The following TSPAN32 variants were observed in gnomAD, a reference collection of about 807,000 sequenced individuals.
TSPAN32 encodes the protein tetraspanin-32.
TSPAN32 carries 47 observed loss-of-function variants against 42.7 expected under a neutral mutation model. The observed-to-expected ratio is 1.10, with a 90% CI of 0.87 to 1.40. The LOEUF (loss-of-function observed/expected upper bound fraction) is 1.40, where lower values mean the gene tolerates loss of function less well. Among genes scored for constraint, TSPAN32 ranks in the 40% most tolerant of loss-of-function variants. The probability of loss-of-function intolerance (pLI) is 0.00; values close to 1 mark genes in which losing one functional copy is unlikely to be tolerated. For missense variants in TSPAN32, 469 were observed against 424.1 expected, an observed-to-expected ratio of 1.11 and a Z score of -0.93; for synonymous variants, 175 against 175.9, an observed-to-expected ratio of 0.99 and a Z score of 0.04.
intron 4 of TSPAN32, among the ~76,000 whole-genome samples, chr11:2,311,554 A>C (rs1294796972): frequency 5.9e-5 from 9 of 152,030 alleles, no homozygotes; most frequent in Admixed American, 5.2e-4. Context: ...CCAGCCGCCG[A>C]GTGGGCTCAG....
In TSPAN32 at chr11:2,302,863, C is replaced by T. The variant is rs1847840351; in HGVS notation, c.86C>T (p.Ala29Val). ...CCACAGCTGCTGGGCCTCTCTGTGG[C>T]CACCATGGTGACTCTTACCTACTTC... is the stretch of plus-strand genomic sequence containing the variant. ...FFILLLGLSV[A>V]TMVTLTYFGA... Residue 29 changes from alanine to valine, a missense_variant, in exon 2 of 10, where the codon GCC becomes GTC. By Grantham distance (64) the Ala-to-Val change is moderately conservative. Transcript: ENST00000182290. The T allele has an allele frequency of 2.5e-6, 4 of 1,613,502 alleles. No individual in the cohort carries two copies. Among genetic ancestry groups the T allele is most frequent in the Admixed American group, 1.7e-5 (1 of 59,994 alleles).
intron 2 of TSPAN32, chr11:2,303,178 C>T (rs1847864945): frequency 3.6e-6 from 2 of 560,964 alleles, no homozygotes; most frequent in Admixed American, 6.2e-5. Flanking sequence ...TCTCGTGCCC[C>T]ACAGGAGCGT....
chr11:2,315,970 C>T (rs1291363351), intron 6 of TSPAN32: 8 of 1,531,840 alleles, frequency 5.2e-6, no homozygotes, highest in Non-Finnish European at 6.1e-6. Flanking sequence ...ACGCTCAGGA[C>T]AGCTGGGAGA....
chr11:2,317,576 C>T lies in TSPAN32; in HGVS notation c.901+51C>T, dbSNP rs375339833. 4.2e-4 allele frequency: 641 copies of T among 1,530,438 alleles called. No individual in the cohort carries two copies. Among genetic ancestry groups the T allele is most frequent in the Non-Finnish European group, 5.3e-4 (603 of 1,142,706 alleles). 94.8% of individuals were successfully genotyped at this position (1,530,438 alleles called of 1,614,324 possible). On this transcript the variant is annotated intron_variant, in intron 9 of 9. Coordinates refer to ENST00000182290, the MANE Select transcript of TSPAN32 (RefSeq NM_139022.3). This position sits in a 1 kb window ranked among gnomAD's most constrained non-coding sequence, Gnocchi z 6.2. ...TCATGGGATCCCTGAGGGGAGGGTC[C>T]GAGCTGTGAGGAGGGAAGGGAGTGA...
intron 6 of TSPAN32, 109 bp from the exon 7 acceptor site, chr11:2,316,120 C>A (rs1848773530): frequency 6.6e-7 from 1 of 1,523,652 alleles, no homozygotes. Flanking sequence ...GCCCTGCTGC[C>A]CTGGCATTGG....
intron 4 of TSPAN32, among the ~76,000 whole-genome samples, chr11:2,311,871 C>T (rs1278872297): frequency 6.6e-6 from 1 of 152,256 alleles, no homozygotes; most frequent in East Asian, 1.9e-4. Flanking sequence ...GGTGAAGCAT[C>T]ACCTAGGAGC....
Position 2,313,585 on chromosome 11 carries a change from C to A in TSPAN32, c.355-69C>A, listed in dbSNP as rs1222310952. 7.8e-7 allele frequency: 1 copy of A among 1,279,280 alleles called. No homozygotes were observed. The highest frequency in any genetic ancestry group is 1.1e-6 in the Non-Finnish European group (1 of 909,942). The allele number at this position is 1,279,280 out of a possible 1,614,324, so 79.2% of individuals were successfully genotyped here. On this transcript the variant is annotated intron_variant, in intron 4 of 9. Coordinates refer to ENST00000182290, the MANE Select transcript of TSPAN32 (RefSeq NM_139022.3). The surrounding 1 kb of genome is among the most constrained non-coding windows in gnomAD (Gnocchi z 9.1). ...AAGGGCCCACTAGCGTTTGGGATGT[C>A]GTGGGGAGGGGGCTGTGTCCCCGGA...
In TSPAN32 at chr11:2,317,820, T is replaced by C; in HGVS notation, c.902-43T>C. The C allele has an allele frequency of 3.1e-6, 5 of 1,607,160 alleles. No individual in the cohort carries two copies. Among genetic ancestry groups the C allele is most frequent in the Non-Finnish European group, 4.2e-6 (5 of 1,177,034 alleles). ...TTTCTATGCTGCGTAAGAAGCAGCA[T>C]GGATGTAAGGACTGCAAGCAGTGCC... is the stretch of plus-strand genomic sequence containing the variant. On this transcript the variant is annotated intron_variant, in intron 9 of 9. Coordinates refer to ENST00000182290, the MANE Select transcript of TSPAN32 (RefSeq NM_139022.3). The surrounding 1 kb of genome is among the most constrained non-coding windows in gnomAD (Gnocchi z 6.2).
At chr11:2,316,528 C>G (rs2234309) in intron 7 of TSPAN32, 48 bp from the exon 8 acceptor site, 2 of 1,608,978 alleles carry the variant, frequency 1.2e-6, no homozygotes, top group Admixed American at 3.3e-5. Context: ...TGGGGAGGGG[C>G]GCCCGCACCC....
At chr11:2,302,584 A>G (rs1010515350) in intron 1 of TSPAN32, 3 of 558,466 alleles carry the variant, frequency 5.4e-6, no homozygotes, top group Non-Finnish European at 9.6e-6. Flanking sequence ...AGACACAATG[A>G]TCAGAGGTCC....
At chr11:2,303,920 A>T (rs551594884) in intron 2 of TSPAN32, among the ~76,000 whole-genome samples, 187 bp from the exon 3 acceptor site, 1 of 152,226 alleles carries the variant, frequency 6.6e-6, no homozygotes, top group Non-Finnish European at 1.5e-5. Context: ...GCAGTCCCCC[A>T]GGCTGAACGA....
chr11:2,303,204 A>C (rs1218855801), intron 2 of TSPAN32, among the ~76,000 whole-genome samples: 1 of 152,040 alleles, frequency 6.6e-6, no homozygotes, highest in Non-Finnish European at 1.5e-5. Flanking sequence ...CAGTGTGGGT[A>C]TATGTCGGGC....
chr11:2,313,648 G>A lies in TSPAN32; in HGVS notation c.355-6G>A, dbSNP rs1848605709. 2.5e-6 allele frequency: 4 copies of A among 1,598,896 alleles called. No individual in the cohort carries two copies. The highest frequency in any genetic ancestry group is 2.3e-5 in the South Asian group (2 of 88,308). ...GCCAGGACCTCCCTGTGGTCTCTCGGTGCAGGTGGAGGACGCCATGCTGGA... is the reference window on the plus strand; with the variant it reads ...GCCAGGACCTCCCTGTGGTCTCTCGATGCAGGTGGAGGACGCCATGCTGGA... On this transcript the variant is annotated splice_polypyrimidine_tract_variant and splice_region_variant and intron_variant, in intron 4 of 9. Coordinates refer to ENST00000182290, the MANE Select transcript of TSPAN32 (RefSeq NM_139022.3). This position sits in a 1 kb window ranked among gnomAD's most constrained non-coding sequence, Gnocchi z 9.1.
rs1848879022 is a variant in TSPAN32, at chr11:2,317,513, G to C, written c.889G>C (p.Ala297Pro). The C allele has an allele frequency of 6.3e-7, 1 of 1,582,644 alleles. No homozygotes were observed. The highest frequency in any genetic ancestry group is 8.6e-7 in the Non-Finnish European group (1 of 1,166,290). The change falls in exon 9 of 10, where the codon GCT (alanine) becomes CCT (proline). Residue 297 changes from alanine (A) to proline (P), a missense_variant. Coordinates refer to ENST00000182290, the MANE Select transcript of TSPAN32 (RefSeq NM_139022.3). The surrounding 1 kb of genome is among the most constrained non-coding windows in gnomAD (Gnocchi z 6.2). ...AAPLPLSCHL[A>P]AHRALQGRSR... is the part of the protein sequence containing the mutation. ...GCCTCTGCCCCTCTCCTGCCACCTG[G>C]CTGCCCACAGAGGTGAAGACGCCCC...
At chr11:2,315,370 G>A (rs1216819787) in intron 6 of TSPAN32, 15 of 1,146,466 alleles carry the variant, frequency 1.3e-5, no homozygotes, top group Middle Eastern at 5.5e-4. Flanking sequence ...GGATGGTGCT[G>A]GGGAGGGACC....
At chr11:2,302,635 C>T (rs1323650520) in intron 1 of TSPAN32, 11 of 590,242 alleles carry the variant, frequency 1.9e-5, no homozygotes, top group Non-Finnish European at 3.0e-5. Context: ...TATGCGTCTA[C>T]CATGTGGGGG....
rs756488352 is a variant in TSPAN32 at position 2,314,550 on chromosome 11, G to A, written c.522G>A (p.Gln174=). 1 of 1,611,382 alleles carries A rather than the reference G, an allele frequency of 6.2e-7. No homozygotes were observed. Among genetic ancestry groups the A allele is most frequent in the Admixed American group, 1.7e-5 (1 of 59,654 alleles). The change falls in exon 6 of 10, where the codon CAG becomes CAA. Residue 174 remains glutamine (Q), a synonymous_variant. Coordinates refer to ENST00000182290, the MANE Select transcript of TSPAN32 (RefSeq NM_139022.3). ...RLGSTEADLC[Q]GEEAAREDCL... Reference sequence around the variant, plus strand: ...GGAGCACAGAGGCTGACCTGTGTCAGGGAGAGGAGGCGGCGAGAGAGGTGA... The same window carrying A: ...GGAGCACAGAGGCTGACCTGTGTCAAGGAGAGGAGGCGGCGAGAGAGGTGA...
At position 2,317,214 on chromosome 11, in the gene TSPAN32, C is replaced by CA; in HGVS notation, c.720-129dup. On this transcript the variant is annotated intron_variant, in intron 8 of 9. Transcript: ENST00000182290. The surrounding 1 kb of genome is among the most constrained non-coding windows in gnomAD (Gnocchi z 6.2). ...CTCACAGTCCCCCTAGAACATTCCA[C>CA]AGCAGCTCCATAATCCCCTCCAGAA... 1 of 717,236 alleles carries CA rather than the reference C, an allele frequency of 1.4e-6. No homozygotes were observed. 44.4% of individuals were successfully genotyped at this position (717,236 alleles called of 1,614,324 possible). A position where few individuals can be genotyped will look rare whatever the true frequency, so the allele number is the denominator to read the frequency against.
At chr11:2,308,305 A>G (rs1848230959) in intron 3 of TSPAN32, among the ~76,000 whole-genome samples, 2 of 151,960 alleles carry the variant, frequency 1.3e-5, no homozygotes, top group South Asian at 4.1e-4. Flanking sequence ...CCACACCTCG[A>G]CCAAGCATCC....
Sources: allele counts gnomAD v4.1 joint callset (sites outside exome capture counted in the v4.1 genomes callset), GRCh38; gene constraint gnomAD v4.1.1; non-coding constraint Gnocchi (gnomAD v3.1); transcripts MANE v1.5; gene names NCBI Gene and HGNC (gene_info 2026-07-23, HGNC 2026-07-21).